Variants in CCDC141 observed in about 807,000 individuals in gnomAD.
CCDC141 encodes coiled-coil domain containing 141.
In CCDC141, 168 loss-of-function variants were observed where a neutral mutation model predicts 181.0. The ratio of observed to expected loss-of-function variants is 0.93; its 90% confidence interval spans 0.82 to 1.05. The LOEUF (loss-of-function observed/expected upper bound fraction) is 1.05, where lower values mean the gene tolerates loss of function less well. Among genes scored for constraint, CCDC141 ranks in the 50% least tolerant of loss-of-function variants. CCDC141 has a pLI of 0.00. For synonymous variants in CCDC141, 666 were observed against 642.3 expected (o/e 1.04, Z -0.56); for missense variants, 1,902 against 1,788.5 (o/e 1.06, Z -1.14).
chr2:179,032,903 G>T (rs1029919762), intron 2 of CCDC141, among the ~76,000 whole-genome samples: 10 of 151,536 alleles, frequency 6.6e-5, no homozygotes, highest in African/African-American at 2.2e-4. Context: ...AAGAGTAATA[G>T]CTAGATGAAC....
intron 6 of CCDC141, among the ~76,000 whole-genome samples, chr2:178,931,995 G>A (rs138796799): frequency 9.7e-4 from 148 of 151,906 alleles, no homozygotes; most frequent in African/African-American, 3.0e-3. Context: ...ATGAAACCCC[G>A]TCTCTACTAA....
At chr2:178,838,350 T>C (rs746102138) in intron 22 of CCDC141, among the ~76,000 whole-genome samples, 2 of 152,216 alleles carry the variant, frequency 1.3e-5, no homozygotes, top group African/African-American at 2.4e-5. Flanking sequence ...TCTCCAGAAC[T>C]TTTTCATCTT....
rs185945039 is a variant in CCDC141 at position 178,841,599 on chromosome 2, G to A, written c.3475-3855C>T. Among the ~76,000 whole-genome samples, 248 of 152,132 alleles carry A rather than the reference G, an allele frequency of 1.6e-3. 1 individual carries two copies. The highest frequency in any genetic ancestry group is 6.8e-3 in the Middle Eastern group (2 of 294). Reference sequence around the variant, plus strand: ...AATTAAAAATGCAAATAAGATTTCCGTTTTTAAGTCATTATGGAATTTTAT... The same window carrying A: ...AATTAAAAATGCAAATAAGATTTCCATTTTTAAGTCATTATGGAATTTTAT... On this transcript the variant is annotated intron_variant, in intron 22 of 23. Transcript: ENST00000443758.
intron 6 of CCDC141, among the ~76,000 whole-genome samples, chr2:178,922,017 A>G (rs1688712338): frequency 6.6e-6 from 1 of 152,204 alleles, no homozygotes; most frequent in African/African-American, 2.4e-5. Flanking sequence ...CTACTTAATG[A>G]ATATGGAGAA....
chr2:178,838,523 T>C (rs1684586141), intron 22 of CCDC141, among the ~76,000 whole-genome samples: 1 of 152,216 alleles, frequency 6.6e-6, no homozygotes. Context: ...TTTTATTTTC[T>C]TGAAGTCCCT....
intron 23 of CCDC141, 46 bp downstream of exon 23, chr2:178,836,848 G>C: frequency 1.3e-6 from 2 of 1,561,164 alleles, no homozygotes; most frequent in Non-Finnish European, 1.7e-6. Flanking sequence ...TTTTCTCTGT[G>C]ATTGAATTTG....
At chr2:178,906,239 C>T (rs913694324) in intron 7 of CCDC141, among the ~76,000 whole-genome samples, 1 of 152,148 alleles carries the variant, frequency 6.6e-6, no homozygotes, top group Non-Finnish European at 1.5e-5. Context: ...GATCAACAAC[C>T]CAGCATGCAG....
chr2:178,976,228 G>A (rs1394867725), intron 3 of CCDC141, among the ~76,000 whole-genome samples: 1 of 152,110 alleles, frequency 6.6e-6, no homozygotes, highest in African/African-American at 2.4e-5. Context: ...ATTTATATGA[G>A]CATTTTAATA....
intron 11 of CCDC141, among the ~76,000 whole-genome samples, chr2:178,882,861 C>A (rs1010099556): frequency 6.6e-6 from 1 of 151,340 alleles, no homozygotes; most frequent in Non-Finnish European, 1.5e-5. Context: ...GGGTGGAGGG[C>A]AGGGAGTTGA....
intron 2 of CCDC141, among the ~76,000 whole-genome samples, chr2:179,008,577 T>A (rs1575337210): frequency 6.6e-6 from 1 of 152,168 alleles, no homozygotes; most frequent in South Asian, 2.1e-4. Context: ...CTTCAGAGGA[T>A]TCTGACTCAA....
intron 20 of CCDC141, among the ~76,000 whole-genome samples, chr2:178,851,023 T>C (rs1246441258): frequency 1.3e-5 from 2 of 151,940 alleles, no homozygotes; most frequent in African/African-American, 2.4e-5. Context: ...CTGACCAACA[T>C]AGTGAAACCC....
chr2:178,946,886 CT>C (rs1319606881), intron 5 of CCDC141, among the ~76,000 whole-genome samples: 2 of 152,150 alleles, frequency 1.3e-5, no homozygotes, highest in Non-Finnish European at 2.9e-5. Flanking sequence ...ACGTTCCTGC[CT>C]GTTAAATCAT....
chr2:179,019,743 T>G (rs910035670), intron 2 of CCDC141, among the ~76,000 whole-genome samples: 1 of 152,050 alleles, frequency 6.6e-6, no homozygotes, highest in South Asian at 2.1e-4. Flanking sequence ...GTAAGATCAT[T>G]TTTATAAATA....
chr2:178,977,290 T>C (rs1322742221), intron 3 of CCDC141, among the ~76,000 whole-genome samples: 2 of 152,112 alleles, frequency 1.3e-5, no homozygotes, highest in African/African-American at 4.8e-5. Flanking sequence ...TAAAACACAG[T>C]GAGAAACAAA....
the CCDC141 span, among the ~76,000 whole-genome samples, chr2:178,822,409 T>C: frequency 1.4e-5 from 2 of 141,958 alleles, no homozygotes; most frequent in Non-Finnish European, 3.0e-5. Flanking sequence ...AGTATAATAA[T>C]TAAAAAAAAA....
Position 178,836,679 on chromosome 2 carries a change from G to C in CCDC141, c.4325+215C>G, listed in dbSNP as rs528101134. The C allele has an allele frequency of 2.7e-5, 13 of 482,754 alleles. No homozygotes were observed. In the South Asian group the frequency reaches 3.1e-4, roughly 11 times the overall value. 29.9% of individuals were successfully genotyped at this position (482,754 alleles called of 1,614,324 possible). A position where few individuals can be genotyped will look rare whatever the true frequency, so the allele number is the denominator to read the frequency against. On this transcript the variant is annotated intron_variant, in intron 23 of 23. Coordinates refer to ENST00000443758, the MANE Select transcript of CCDC141 (RefSeq NM_173648.4). ...GCTTTGGAAATTTGTTAAATTATTA[G>C]TACTTTATATGGTTACCTTTTATTT...
intron 12 of CCDC141, among the ~76,000 whole-genome samples, chr2:178,872,860 T>C (rs917957539): frequency 1.3e-5 from 2 of 152,218 alleles, no homozygotes; most frequent in East Asian, 1.9e-4. Flanking sequence ...TGTATCTCTG[T>C]ATTCAGAACT....
chr2:178,926,707 T>A (rs998475392), intron 6 of CCDC141: 2 of 152,214 alleles, frequency 1.3e-5, no homozygotes, highest in African/African-American at 4.8e-5. Flanking sequence ...CAGCTGGATA[T>A]AAAGAACAAG....
At chr2:179,013,967 A>AAG (rs1262263033) in intron 2 of CCDC141, among the ~76,000 whole-genome samples, 1 of 147,932 alleles carries the variant, frequency 6.8e-6, no homozygotes, top group East Asian at 1.9e-4. Flanking sequence ...TCTCAAAAAA[A>AAG]AAAAAAAAAA....
Sources: allele counts gnomAD v4.1 joint callset (sites outside exome capture counted in the v4.1 genomes callset), GRCh38; gene constraint gnomAD v4.1.1; transcripts MANE v1.5; gene names NCBI Gene and HGNC (gene_info 2026-07-23, HGNC 2026-07-21).